The following SORCS1 variants were observed in gnomAD, a reference collection of about 807,000 sequenced individuals.
SORCS1 encodes VPS10 domain-containing receptor SorCS1.
SORCS1 carries 60 observed loss-of-function variants against 146.1 expected under a neutral mutation model. That is an observed-to-expected ratio of 0.41 (90% CI 0.33 to 0.51). The LOEUF (loss-of-function observed/expected upper bound fraction) is 0.51. Ranked by LOEUF, SORCS1 falls within the 20% of genes least tolerant of loss-of-function variation. The pLI is 0.21. For missense variants in SORCS1, 1,352 were observed against 1,487.6 expected, an observed-to-expected ratio of 0.91 and a Z score of 1.50; for synonymous variants, 637 against 584.0, an observed-to-expected ratio of 1.09 and a Z score of -1.31.
At chr10:107,084,567 C>A (rs182966123) in intron 1 of SORCS1, among the ~76,000 whole-genome samples, 2 of 150,696 alleles carry the variant, frequency 1.3e-5, no homozygotes, top group African/African-American at 4.9e-5. Context: ...AATTTTCTGG[C>A]GTAAAAAAAA....
Position 106,883,218 on chromosome 10 carries a change from T to G in SORCS1, c.627-53545A>C, listed in dbSNP as rs577843822. On this transcript the variant is annotated intron_variant, in intron 2 of 25. Transcript: ENST00000263054. ...GATACACGTATGACCAACATAAGCA[T>G]GTTATAGGCCTTCAAAGTGCTTCTG... is the stretch of plus-strand genomic sequence containing the variant. 3.3e-5 allele frequency among the ~76,000 whole-genome samples: 5 copies of G among 152,252 alleles called. No homozygotes were observed. In the East Asian group the frequency reaches 9.7e-4, roughly 30 times the overall value.
intron 3 of SORCS1, among the ~76,000 whole-genome samples, chr10:106,797,519 G>C (rs1475106480): frequency 3.5e-5 from 5 of 142,570 alleles, no homozygotes; most frequent in South Asian, 2.1e-4. Context: ...CTGAGGAGTT[G>C]CTTTTTTTTT....
chr10:106,985,140 T>C (rs1956410980), intron 1 of SORCS1, among the ~76,000 whole-genome samples: 1 of 152,018 alleles, frequency 6.6e-6, no homozygotes, highest in Admixed American at 6.5e-5. Flanking sequence ...TGAGCCAAGA[T>C]CACATCACTG....
intron 18 of SORCS1, among the ~76,000 whole-genome samples, chr10:106,645,484 C>T (rs1006011593): frequency 1.3e-5 from 2 of 152,108 alleles, no homozygotes; most frequent in African/African-American, 4.8e-5. Context: ...TAAGCCACTG[C>T]ACCCAGCCTA....
At chr10:106,648,966 C>T (rs1849659110) in intron 18 of SORCS1, among the ~76,000 whole-genome samples, 1 of 152,124 alleles carries the variant, frequency 6.6e-6, no homozygotes, top group African/African-American at 2.4e-5. Context: ...AGGCCACCGA[C>T]CAGGAGAACT....
intron 22 of SORCS1, among the ~76,000 whole-genome samples, 184 bp from the exon 23 acceptor site, chr10:106,607,481 G>A (rs146741647): frequency 4.0e-4 from 61 of 152,296 alleles, no homozygotes; most frequent in Non-Finnish European, 6.8e-4. Flanking sequence ...TCCAGGCTCC[G>A]GAGTCAGGCT....
chr10:107,073,504 C>CTA (rs1200642235), intron 1 of SORCS1, among the ~76,000 whole-genome samples: 1 of 152,096 alleles, frequency 6.6e-6, no homozygotes, highest in Non-Finnish European at 1.5e-5. Context: ...TCAATAACAA[C>CTA]TACTACATAC....
the SORCS1 span, among the ~76,000 whole-genome samples, chr10:107,169,827 T>A: frequency 1.3e-5 from 2 of 152,186 alleles, no homozygotes; most frequent in African/African-American, 4.8e-5. Flanking sequence ...GTTCCCAATT[T>A]GTATATTCAT....
chr10:106,676,963 C>T (rs906851102), intron 13 of SORCS1, among the ~76,000 whole-genome samples: 9 of 152,272 alleles, frequency 5.9e-5, no homozygotes, highest in Middle Eastern at 3.4e-3. Flanking sequence ...ACCACTTCCT[C>T]TTCCTCACCT....
chr10:106,873,918 A>G (rs111426475), intron 2 of SORCS1, among the ~76,000 whole-genome samples: 7 of 152,320 alleles, frequency 4.6e-5, no homozygotes, highest in African/African-American at 1.7e-4. Flanking sequence ...GAAGTCGCCA[A>G]TGCAGGTTTT....
At chr10:106,952,542 A>ATATATTATAT (rs35734331) in intron 2 of SORCS1, among the ~76,000 whole-genome samples, 41,340 of 142,840 alleles carry the variant, frequency 0.29, 6,184 homozygotes, top group Non-Finnish European at 0.33. Flanking sequence ...ATGACACATT[A>ATATATTATAT]TATATTATAT....
At chr10:106,800,379 GT>G in intron 3 of SORCS1, among the ~76,000 whole-genome samples, 1 of 152,102 alleles carries the variant, frequency 6.6e-6, no homozygotes, top group African/African-American at 2.4e-5. Flanking sequence ...TGATATCTCT[GT>G]TTAACAGAAC....
At chr10:106,734,509 G>A (rs951593976) in intron 5 of SORCS1, among the ~76,000 whole-genome samples, 9 of 152,136 alleles carry the variant, frequency 5.9e-5, no homozygotes, top group Non-Finnish European at 5.9e-5. Context: ...AAACCTTTCT[G>A]TACCTCTGTG....
intron 23 of SORCS1, among the ~76,000 whole-genome samples, chr10:106,603,246 G>A (rs1846362101): frequency 6.6e-6 from 1 of 152,132 alleles, no homozygotes. Context: ...GGCAGGGCTT[G>A]CTCCACATCT....
At chr10:106,694,035 T>C (rs890514155) in intron 9 of SORCS1, among the ~76,000 whole-genome samples, 1 of 152,080 alleles carries the variant, frequency 6.6e-6, no homozygotes, top group Non-Finnish European at 1.5e-5. Flanking sequence ...AAAGAGAACA[T>C]ATTCATGGCC....
intron 4 of SORCS1, among the ~76,000 whole-genome samples, chr10:106,770,956 C>T (rs970192243): frequency 2.6e-5 from 4 of 152,234 alleles, no homozygotes; most frequent in Non-Finnish European, 5.9e-5. Flanking sequence ...GAAGAGCAGC[C>T]CTTCCTGCTC....
intron 1 of SORCS1, among the ~76,000 whole-genome samples, chr10:107,113,936 T>C (rs1187001020): frequency 6.6e-6 from 1 of 151,564 alleles, no homozygotes; most frequent in Admixed American, 6.6e-5. Flanking sequence ...AGAGCCCAAA[T>C]AAATAAAATT....
At chr10:106,999,843 T>C (rs1179945364) in intron 1 of SORCS1, among the ~76,000 whole-genome samples, 2 of 152,184 alleles carry the variant, frequency 1.3e-5, no homozygotes, top group East Asian at 1.9e-4. Context: ...AATTTTATTA[T>C]CTTAATAACT....
At chr10:106,805,674 T>C (rs1049231217) in intron 3 of SORCS1, among the ~76,000 whole-genome samples, 2 of 152,176 alleles carry the variant, frequency 1.3e-5, no homozygotes, top group African/African-American at 4.8e-5. Context: ...ACAGAAATGA[T>C]TTATTTGCCT....
Sources: gnomAD v4.1 joint callset for allele counts (sites outside exome capture counted in the v4.1 genomes callset) on GRCh38, gnomAD v4.1.1 for gene constraint, MANE v1.5 for transcripts, NCBI Gene and HGNC (gene_info 2026-07-23, HGNC 2026-07-21) for gene names.